Variants in KLHL1 observed in about 807,000 individuals in gnomAD.
KLHL1 encodes kelch like family member 1, also known as kelch-like protein 1.
Under a neutral mutation model 77.7 loss-of-function variants are expected in KLHL1, and 47 were observed. That is an observed-to-expected ratio of 0.60 (90% CI 0.48 to 0.77). The LOEUF (loss-of-function observed/expected upper bound fraction) is 0.77. Among genes scored for constraint, KLHL1 ranks in the 30% least tolerant of loss-of-function variants. The pLI is 0.00. For missense variants in KLHL1, 925 were observed against 910.8 expected (o/e 1.02, Z -0.20); for synonymous variants, 360 against 325.2 (o/e 1.11, Z -1.15).
At chr13:69,893,480 C>T (rs1329923232) in intron 4 of KLHL1, among the ~76,000 whole-genome samples, 1 of 152,020 alleles carries the variant, frequency 6.6e-6, no homozygotes, top group African/African-American at 2.4e-5. Context: ...ATGATCCACC[C>T]GCCTCGGCCT....
At chr13:70,001,743 T>C (rs1482767676) in intron 1 of KLHL1, among the ~76,000 whole-genome samples, 1 of 151,514 alleles carries the variant, frequency 6.6e-6, no homozygotes, top group East Asian at 1.9e-4. Context: ...ATTAGTGTAT[T>C]TTAATATCCA....
chr13:69,828,069 C>CTCCATCCA, intron 6 of KLHL1, among the ~76,000 whole-genome samples: 8 of 150,384 alleles, frequency 5.3e-5, no homozygotes, highest in Admixed American at 5.3e-4. Flanking sequence ...ATGGACAGAA[C>CTCCATCCA]AGCATGAGGA....
chr13:69,816,996 TA>T (rs998824757), intron 6 of KLHL1, among the ~76,000 whole-genome samples: 23 of 151,568 alleles, frequency 1.5e-4, no homozygotes, highest in African/African-American at 5.1e-4. Context: ...ATAAATATAA[TA>T]AAAAAAGCTT....
chr13:69,725,518 C>G (rs1873253854), intron 8 of KLHL1, among the ~76,000 whole-genome samples: 1 of 152,006 alleles, frequency 6.6e-6, no homozygotes. Flanking sequence ...TTTTAGATGG[C>G]CATATGCCTC....
intron 6 of KLHL1, among the ~76,000 whole-genome samples, chr13:69,830,757 C>T (rs1285288158): frequency 1.3e-5 from 2 of 149,860 alleles, no homozygotes; most frequent in Non-Finnish European, 3.0e-5. Context: ...CTCTCTCAGA[C>T]CACAGTGGAA....
Position 69,975,777 on chromosome 13 carries a change from T to C in KLHL1, c.523A>G (p.Thr175Ala). 1 of 1,609,688 alleles carries C rather than the reference T, an allele frequency of 6.2e-7. No individual in the cohort carries two copies. The highest frequency in any genetic ancestry group is 8.5e-7 in the Non-Finnish European group (1 of 1,178,774). Residue 175 changes from threonine (T) to alanine (A), a missense_variant, in exon 2 of 11, where the codon ACA (threonine) becomes GCA (alanine). Thr to Ala is a moderately conservative substitution (Grantham distance 58). Coordinates refer to ENST00000377844, the MANE Select transcript of KLHL1 (RefSeq NM_020866.3). ...HRLSSTGHSM[T>A]PQSDLDSSSS... Reference sequence around the variant, plus strand: ...CTGGAGTCCAAATCACTTTGAGGTGTCATTGAATGGCCGGTTGATGACAGC... The same window carrying C: ...CTGGAGTCCAAATCACTTTGAGGTGCCATTGAATGGCCGGTTGATGACAGC...
At chr13:70,023,354 T>C (rs1885850465) in intron 1 of KLHL1, among the ~76,000 whole-genome samples, 4 of 151,968 alleles carry the variant, frequency 2.6e-5, no homozygotes, top group Admixed American at 2.6e-4. Context: ...AAACACTTGG[T>C]AGTGTGTTGA....
chr13:69,985,930 A>G (rs1391622145), intron 1 of KLHL1, among the ~76,000 whole-genome samples: 1 of 148,438 alleles, frequency 6.7e-6, no homozygotes, highest in Non-Finnish European at 1.5e-5. Context: ...ATGTAAATAT[A>G]TATGTATTAT....
intron 7 of KLHL1, among the ~76,000 whole-genome samples, chr13:69,780,745 C>CACAG (rs1245430340): frequency 3.0e-5 from 1 of 33,832 alleles, no homozygotes; most frequent in African/African-American, 9.5e-5. Context: ...TATATATATA[C>CACAG]ATATATATAT....
intron 4 of KLHL1, among the ~76,000 whole-genome samples, chr13:69,887,606 G>T (rs538122241): frequency 2.6e-5 from 4 of 152,100 alleles, no homozygotes; most frequent in Middle Eastern, 3.2e-3. Flanking sequence ...TCCACAAAAC[G>T]CTGGGATGCA....
At chr13:69,790,508 G>C (rs1273012460) in intron 7 of KLHL1, among the ~76,000 whole-genome samples, 1 of 152,068 alleles carries the variant, frequency 6.6e-6, no homozygotes, top group African/African-American at 2.4e-5. Context: ...CTCTAGACCA[G>C]TATCTCTTGT....
At chr13:69,900,240 A>G (rs2138224980) in intron 4 of KLHL1, among the ~76,000 whole-genome samples, 1 of 152,258 alleles carries the variant, frequency 6.6e-6, no homozygotes, top group South Asian at 2.1e-4. Context: ...AAATGAACCT[A>G]TTTTATGACA....
intron 6 of KLHL1, among the ~76,000 whole-genome samples, chr13:69,824,281 G>A (rs910259515): frequency 2.0e-5 from 3 of 151,928 alleles, no homozygotes; most frequent in Non-Finnish European, 2.9e-5. Flanking sequence ...CCATAAAAAA[G>A]CAAATAGATT....
chr13:70,048,996 T>C (rs545553289), intron 1 of KLHL1, among the ~76,000 whole-genome samples: 1 of 152,340 alleles, frequency 6.6e-6, no homozygotes, highest in South Asian at 2.1e-4. Flanking sequence ...GCTGTAAGTA[T>C]ACTTTCTCTT....
chr13:69,786,491 T>C (rs1406853033), intron 7 of KLHL1, among the ~76,000 whole-genome samples: 1 of 152,164 alleles, frequency 6.6e-6, no homozygotes, highest in Non-Finnish European at 1.5e-5. Context: ...AAATTAGGTA[T>C]TGATGGGACA....
intron 2 of KLHL1, among the ~76,000 whole-genome samples, chr13:69,970,239 A>G (rs1235552608): frequency 6.6e-6 from 1 of 152,118 alleles, no homozygotes; most frequent in Non-Finnish European, 1.5e-5. Flanking sequence ...ACTGCTCATC[A>G]CATATCCCAG....
intron 4 of KLHL1, among the ~76,000 whole-genome samples, chr13:69,936,789 A>T (rs1021157475): frequency 2.0e-5 from 3 of 152,126 alleles, no homozygotes; most frequent in African/African-American, 7.2e-5. Flanking sequence ...TTCAACCTTC[A>T]TTTCAACATG....
At chr13:69,936,490 G>A (rs1350046360) in intron 4 of KLHL1, among the ~76,000 whole-genome samples, 2 of 151,774 alleles carry the variant, frequency 1.3e-5, no homozygotes, top group East Asian at 3.9e-4. Context: ...TTGGGAGTCT[G>A]GGACAGGAGA....
intron 1 of KLHL1, among the ~76,000 whole-genome samples, chr13:70,094,391 C>CTT (rs1887738362): frequency 8.7e-6 from 1 of 114,530 alleles, no homozygotes. Flanking sequence ...ATGCAATCAT[C>CTT]TTTATATATA....
Sources: gnomAD v4.1 joint callset for allele counts (sites outside exome capture counted in the v4.1 genomes callset) on GRCh38, gnomAD v4.1.1 for gene constraint, MANE v1.5 for transcripts, NCBI Gene and HGNC (gene_info 2026-07-23, HGNC 2026-07-21) for gene names.